The following NXPE4 variants were observed in gnomAD, a reference collection of about 807,000 sequenced individuals.
The protein encoded by NXPE4 is neurexophilin and PC-esterase domain family member 4.
Under a neutral mutation model 33.3 loss-of-function variants are expected in NXPE4, and 42 were observed. The ratio of observed to expected loss-of-function variants is 1.26; its 90% CI spans 0.98 to 1.63. NXPE4 has a LOEUF of 1.63. Among genes scored for constraint, NXPE4 ranks in the 40% most tolerant of loss-of-function variants. The pLI is 0.00. For synonymous variants in NXPE4, 253 were observed against 234.9 expected, an observed-to-expected ratio of 1.08 and a Z score of -0.71; for missense variants, 709 against 647.6, an observed-to-expected ratio of 1.09 and a Z score of -1.03.
chr11:114,594,827 C>A (rs1433293143), intron 1 of NXPE4, 58 bp from the exon 2 acceptor site: 14 of 896,124 alleles, frequency 1.6e-5, no homozygotes, highest in Non-Finnish European at 2.5e-5. Context: ...GAAAAGCAAA[C>A]AAACATGGGA....
In NXPE4 at chr11:114,571,265, G is replaced by A. The variant is rs573328452; in HGVS notation, c.1308C>T (p.Gly436=). The change falls in exon 6 of 6, where the codon GGC becomes GGT. Residue 436 remains glycine (G), a synonymous_variant. Coordinates refer to ENST00000375478, the MANE Select transcript of NXPE4 (RefSeq NM_001077639.2). The part of the protein sequence containing the change: ...EKNTVIVISL[G]QHFRPFPIDV... ...CAATGGGAAAGGGTCTGAAATGCTG[G>A]CCCAGGGAAATAACAATGACAGTAT... 1.2e-6 allele frequency: 2 copies of A among 1,613,896 alleles called. No individual in the cohort carries two copies. The highest frequency in any genetic ancestry group is 3.3e-5 in the Admixed American group (2 of 59,988).
chr11:114,639,939 A>G, the NXPE4 span, among the ~76,000 whole-genome samples: 1 of 111,202 alleles, frequency 9.0e-6, no homozygotes, highest in Non-Finnish European at 1.6e-5. Flanking sequence ...ATTATATTAA[A>G]TATAACATAA....
At chr11:114,648,813 C>G in the NXPE4 span, among the ~76,000 whole-genome samples, 160 of 152,192 alleles carry the variant, frequency 1.1e-3, no homozygotes, top group African/African-American at 3.7e-3. Flanking sequence ...TCTTGATAGT[C>G]TATAACTTAA....
chr11:114,608,446 G>A, the NXPE4 span, among the ~76,000 whole-genome samples: 1 of 151,842 alleles, frequency 6.6e-6, no homozygotes, highest in South Asian at 2.1e-4. Flanking sequence ...GGAAAGCACT[G>A]TTACTCAGAG....
chr11:114,607,169 C>A, the NXPE4 span, among the ~76,000 whole-genome samples: 4 of 148,072 alleles, frequency 2.7e-5, no homozygotes, highest in African/African-American at 1.0e-4. Flanking sequence ...ACTGGATAAT[C>A]AGTGTTGCAT....
At chr11:114,576,513 A>G (rs1948997074) in intron 5 of NXPE4, among the ~76,000 whole-genome samples, 2 of 152,108 alleles carry the variant, frequency 1.3e-5, no homozygotes, top group Admixed American at 6.6e-5. Flanking sequence ...AGAAAAAAAA[A>G]GTCCCATCAA....
At chr11:114,642,743 T>G in the NXPE4 span, among the ~76,000 whole-genome samples, 2 of 152,108 alleles carry the variant, frequency 1.3e-5, no homozygotes, top group Non-Finnish European at 2.9e-5. Context: ...TGTGTCTTTA[T>G]AGTAGAATGG....
the NXPE4 span, among the ~76,000 whole-genome samples, chr11:114,641,993 T>G: frequency 2.6e-5 from 4 of 152,122 alleles, no homozygotes; most frequent in African/African-American, 9.6e-5. Flanking sequence ...GATGAGAAGA[T>G]AAATTTTAAA....
At chr11:114,592,399 A>T (rs1362413152) in intron 2 of NXPE4, among the ~76,000 whole-genome samples, 2 of 152,240 alleles carry the variant, frequency 1.3e-5, no homozygotes, top group East Asian at 3.9e-4. Context: ...CTGAAAAAAT[A>T]TCAAAAAAGC....
the NXPE4 span, among the ~76,000 whole-genome samples, chr11:114,671,699 T>C: frequency 8.8e-3 from 1,332 of 152,102 alleles, 19 homozygotes; most frequent in African/African-American, 0.031. Flanking sequence ...CTAGCAAAAC[T>C]GTCTTTAAAA....
In NXPE4 at chr11:114,582,750, A is replaced by G. The variant is rs775188738; in HGVS notation, c.368T>C (p.Val123Ala). ...RGDQLHILLEVRDHLGRRKQY... is the reference protein window; with the variant it reads ...RGDQLHILLEARDHLGRRKQY... The stretch of plus-strand genomic sequence containing the variant: ...CTTCCTGCGTCCCAAGTGGTCCCTC[A>G]CCTCCAGCAGGATGTGCAGCTGGTC... The change falls in exon 3 of 6, where the codon GTG (valine) becomes GCG (alanine). Residue 123 changes from valine (V) to alanine (A), a missense_variant. Val to Ala is a moderately conservative substitution (Grantham distance 64). Transcript: ENST00000375478. 1 of 1,613,870 alleles carries G rather than the reference A, an allele frequency of 6.2e-7. No homozygotes were observed. Among genetic ancestry groups the G allele is most frequent in the Non-Finnish European group, 8.5e-7 (1 of 1,179,934 alleles).
At chr11:114,622,870 C>G in the NXPE4 span, among the ~76,000 whole-genome samples, 1 of 150,982 alleles carries the variant, frequency 6.6e-6, no homozygotes, top group Non-Finnish European at 1.5e-5. Context: ...CACTGTTAAC[C>G]AGTTGATAAT....
the NXPE4 span, among the ~76,000 whole-genome samples, chr11:114,635,690 G>C: frequency 6.6e-6 from 1 of 151,804 alleles, no homozygotes; most frequent in South Asian, 2.1e-4. Context: ...GTTGAATTTT[G>C]TCAAAGGCCT....
At chr11:114,616,060 G>A in the NXPE4 span, among the ~76,000 whole-genome samples, 148 of 151,790 alleles carry the variant, frequency 9.8e-4, 5 homozygotes, top group African/African-American at 3.6e-3. Context: ...AATAAGTATT[G>A]CCTCATGGGT....
chr11:114,594,795 C>T (rs1227396910), intron 1 of NXPE4, 26 bp from the exon 2 acceptor site: 2 of 1,141,192 alleles, frequency 1.8e-6, no homozygotes, highest in African/African-American at 1.6e-5. Flanking sequence ...CAAAAACAAG[C>T]ACAAAAACAT....
At chr11:114,675,451 A>T in the NXPE4 span, among the ~76,000 whole-genome samples, 1 of 151,924 alleles carries the variant, frequency 6.6e-6, no homozygotes, top group Non-Finnish European at 1.5e-5. Flanking sequence ...GAACAAATTC[A>T]GTAAAGTTGC....
the NXPE4 span, among the ~76,000 whole-genome samples, chr11:114,651,660 G>A: frequency 7.9e-5 from 12 of 152,218 alleles, no homozygotes; most frequent in African/African-American, 1.7e-4. Context: ...TGATTGGTCC[G>A]TTTTACAGAG....
chr11:114,605,882 C>T, the NXPE4 span, among the ~76,000 whole-genome samples: 6 of 150,750 alleles, frequency 4.0e-5, no homozygotes, highest in East Asian at 2.0e-4. Flanking sequence ...AGTGTTGCCT[C>T]GTGCATAACC....
the NXPE4 span, among the ~76,000 whole-genome samples, chr11:114,603,916 T>C: frequency 6.6e-6 from 1 of 151,344 alleles, no homozygotes; most frequent in African/African-American, 2.4e-5. Context: ...CAAGGGTAAC[T>C]GCTAATACCT....
Sources: allele counts gnomAD v4.1 joint callset (sites outside exome capture counted in the v4.1 genomes callset), GRCh38; gene constraint gnomAD v4.1.1; transcripts MANE v1.5; gene names NCBI Gene and HGNC (gene_info 2026-07-23, HGNC 2026-07-21).